CNTN5: variants seen among roughly 807,000 people sequenced by gnomAD.
The protein encoded by CNTN5 is contactin-5.
Under a neutral mutation model 129.1 loss-of-function variants are expected in CNTN5, and 77 were observed. That is an observed-to-expected ratio of 0.60 (90% CI 0.50 to 0.72). The LOEUF (loss-of-function observed/expected upper bound fraction) is 0.72, where lower values mean the gene tolerates loss of function less well. Among genes scored for constraint, CNTN5 ranks in the 30% least tolerant of loss-of-function variants. The probability of loss-of-function intolerance (pLI) is 0.00; values close to 1 mark genes in which losing one functional copy is unlikely to be tolerated. For missense variants in CNTN5, 1,478 were observed against 1,328.8 expected (o/e 1.11, Z -1.75); for synonymous variants, 509 against 465.6 (o/e 1.09, Z -1.20).
intron 9 of CNTN5, among the ~76,000 whole-genome samples, chr11:100,054,375 ATTCT>A (rs776945733): frequency 7.0e-4 from 107 of 151,892 alleles, no homozygotes; most frequent in Non-Finnish European, 1.3e-3. Context: ...CACATTTTGC[ATTCT>A]TTCTATTTTC....
intron 3 of CNTN5, among the ~76,000 whole-genome samples, chr11:99,715,824 A>C (rs1310430060): frequency 6.6e-6 from 1 of 151,882 alleles, no homozygotes; most frequent in East Asian, 1.9e-4. Flanking sequence ...TTCCCTGCCA[A>C]AAAAATGTCT....
At chr11:100,050,303 T>G (rs911976684) in intron 9 of CNTN5, among the ~76,000 whole-genome samples, 2 of 152,098 alleles carry the variant, frequency 1.3e-5, no homozygotes, top group Non-Finnish European at 2.9e-5. Context: ...CCATAAAAAA[T>G]GATGAGTTCA....
At chr11:99,441,571 C>T (rs1242994554) in intron 2 of CNTN5, among the ~76,000 whole-genome samples, 1 of 152,150 alleles carries the variant, frequency 6.6e-6, no homozygotes, top group African/African-American at 2.4e-5. Context: ...GAGGGGCAGC[C>T]TCAAACTAGC....
chr11:99,786,874 A>C (rs959668731), intron 3 of CNTN5, among the ~76,000 whole-genome samples: 2 of 152,210 alleles, frequency 1.3e-5, no homozygotes, highest in African/African-American at 2.4e-5. Context: ...TAGAGATTTA[A>C]ACGTAAGAAC....
chr11:100,337,296 T>G (rs1022042643), intron 21 of CNTN5: 46 of 1,114,330 alleles, frequency 4.1e-5, no homozygotes, highest in South Asian at 2.8e-4. Context: ...TAAATCATGC[T>G]CCTGGAGGAT....
At position 99,525,147 on chromosome 11, in the gene CNTN5, G is replaced by GAAT. The variant is rs1947437330; in HGVS notation, c.-70-30998_-70-30997insAAT. 3.6e-5 allele frequency among the ~76,000 whole-genome samples: 5 copies of GAAT among 137,848 alleles called. No homozygotes were observed. The South Asian group carries it at 1.2e-3, about 32-fold the overall frequency. 90.4% of individuals were successfully genotyped at this position (137,848 alleles called of 152,430 possible). On this transcript the variant is annotated intron_variant, in intron 2 of 24. Coordinates refer to ENST00000524871, the MANE Select transcript of CNTN5 (RefSeq NM_014361.4). Reference sequence around the variant, plus strand: ...CCATGAAAAGCCAATTTAAAGGGAGGCTTTTTTTTTACATTAGGAAGACCT... The same window carrying GAAT: ...CCATGAAAAGCCAATTTAAAGGGAGGAATCTTTTTTTTTACATTAGGAAGACCT...
chr11:99,105,943 C>T (rs1317540770), intron 1 of CNTN5, among the ~76,000 whole-genome samples: 1 of 152,060 alleles, frequency 6.6e-6, no homozygotes, highest in African/African-American at 2.4e-5. Context: ...GGACTTAGAA[C>T]AATTTTCATT....
At chr11:100,046,226 A>G (rs1199593375) in intron 9 of CNTN5, among the ~76,000 whole-genome samples, 2 of 152,168 alleles carry the variant, frequency 1.3e-5, no homozygotes, top group African/African-American at 4.8e-5. Flanking sequence ...CTTTTGGTCT[A>G]TACTGTTTTG....
chr11:100,005,811 G>A (rs1469554260), intron 9 of CNTN5, among the ~76,000 whole-genome samples: 2 of 152,006 alleles, frequency 1.3e-5, no homozygotes, highest in Admixed American at 1.3e-4. Context: ...ATATAATAAT[G>A]GTTTGAGGGA....
rs1273097447 is a variant in CNTN5 at position 100,341,128 on chromosome 11, C to A, written c.2953C>A (p.Gln985Lys). The change falls in exon 23 of 25, where the codon CAG becomes AAG. Residue 985 changes from glutamine (Q) to lysine (K), a missense_variant. Transcript: ENST00000524871. ...AGCACCTAGCAACCTCAGGTGGGAGCAGCAAGGCTCTCAGGTTTCTCTGGG... is the reference window on the plus strand; with the variant it reads ...AGCACCTAGCAACCTCAGGTGGGAGAAGCAAGGCTCTCAGGTTTCTCTGGG... ...SQAPSNLRWEQQGSQVSLGWE... is the reference protein window; with the variant it reads ...SQAPSNLRWEKQGSQVSLGWE... 2.5e-6 allele frequency: 4 copies of A among 1,613,854 alleles called. No homozygotes were observed. The highest frequency in any genetic ancestry group is 3.4e-6 in the Non-Finnish European group (4 of 1,179,766).
In CNTN5 at chr11:100,183,822, C is replaced by T. The variant is rs1948213016; in HGVS notation, c.1581-7304C>T. ...AAAAATGTTAATAGCTTCCCATTGC[C>T]CTTAAAATTAAGAACAAATGATTTT... On this transcript the variant is annotated intron_variant, in intron 13 of 24. Coordinates refer to ENST00000524871, the MANE Select transcript of CNTN5 (RefSeq NM_014361.4). Among the ~76,000 whole-genome samples, 4 of 152,170 alleles carry T rather than the reference C, an allele frequency of 2.6e-5. No homozygotes were observed. In the South Asian group the frequency reaches 8.3e-4, roughly 32 times the overall value.
chr11:100,343,529 C>T (rs186195428), intron 23 of CNTN5, among the ~76,000 whole-genome samples: 41 of 152,146 alleles, frequency 2.7e-4, no homozygotes, highest in East Asian at 1.6e-3. Flanking sequence ...CCTCAGAACG[C>T]GGGTTTTCAC....
intron 1 of CNTN5, among the ~76,000 whole-genome samples, chr11:99,137,794 A>G (rs936899052): frequency 6.1e-5 from 9 of 148,672 alleles, no homozygotes; most frequent in Middle Eastern, 3.4e-3. Context: ...TAGAAACTTC[A>G]TAAGTATACA....
At chr11:99,348,700 T>A (rs1242217796) in intron 2 of CNTN5, among the ~76,000 whole-genome samples, 1 of 152,222 alleles carries the variant, frequency 6.6e-6, no homozygotes, top group East Asian at 1.9e-4. Flanking sequence ...GTTTCTTAAT[T>A]TTCCAGTTGA....
intron 13 of CNTN5, among the ~76,000 whole-genome samples, chr11:100,145,424 A>T (rs1029486772): frequency 2.6e-5 from 4 of 152,038 alleles, no homozygotes; most frequent in African/African-American, 4.8e-5. Context: ...GCAAATGATG[A>T]TGCGTTTAAA....
intron 2 of CNTN5, among the ~76,000 whole-genome samples, chr11:99,473,015 C>T (rs112857342): frequency 0.01 from 1,526 of 152,178 alleles, 25 homozygotes; most frequent in African/African-American, 0.034. Flanking sequence ...TATAAATATT[C>T]GAATTAATTA....
chr11:99,355,377 TG>T (rs1435309843), intron 2 of CNTN5, among the ~76,000 whole-genome samples: 4 of 152,196 alleles, frequency 2.6e-5, no homozygotes, highest in Non-Finnish European at 5.9e-5. Context: ...CATAATAAAA[TG>T]GACCCTGTGC....
chr11:99,180,436 C>G (rs2155556), intron 1 of CNTN5, among the ~76,000 whole-genome samples: 151,139 of 152,252 alleles, frequency 0.99, 75,019 homozygotes, highest in East Asian at 1. Context: ...TGAGTTGTTT[C>G]GCATAAGGTC....
At chr11:99,572,337 T>G (rs1690802) in intron 3 of CNTN5, among the ~76,000 whole-genome samples, 146,510 of 152,332 alleles carry the variant, frequency 0.96, 70,619 homozygotes, top group Non-Finnish European at 0.99. Flanking sequence ...AATTTACAAA[T>G]TTATGTTGGG....
Sources: allele counts gnomAD v4.1 joint callset (sites outside exome capture counted in the v4.1 genomes callset), GRCh38; gene constraint gnomAD v4.1.1; transcripts MANE v1.5; gene names NCBI Gene and HGNC (gene_info 2026-07-23, HGNC 2026-07-21).